IQCM: variants seen among roughly 807,000 people sequenced by gnomAD.
IQCM encodes the protein IQ motif containing M.
IQCM carries 45 observed loss-of-function variants against 57.6 expected under a neutral mutation model. That is an observed-to-expected ratio of 0.78 (90% CI 0.62 to 1.00). The LOEUF (loss-of-function observed/expected upper bound fraction) is 1.00. Ranked by LOEUF, IQCM falls within the 50% of genes least tolerant of loss-of-function variation. IQCM has a pLI of 0.00. For synonymous variants in IQCM, 148 were observed against 158.9 expected (o/e 0.93, Z 0.51); for missense variants, 468 against 511.6 (o/e 0.91, Z 0.82).
intron 12 of IQCM, among the ~76,000 whole-genome samples, chr4:149,516,123 C>T (rs905005722): frequency 9.9e-5 from 15 of 152,158 alleles, no homozygotes; most frequent in African/African-American, 3.6e-4. Context: ...TTGATTAGTG[C>T]CCAATTTGCC....
intron 7 of IQCM, among the ~76,000 whole-genome samples, chr4:149,641,793 T>TA (rs1758214379): frequency 6.6e-6 from 1 of 152,198 alleles, no homozygotes; most frequent in Admixed American, 6.5e-5. Context: ...GACTGTAATT[T>TA]ACTAGGGTCA....
At chr4:149,450,838 G>C (rs1053500014) in intron 12 of IQCM, among the ~76,000 whole-genome samples, 2 of 151,664 alleles carry the variant, frequency 1.3e-5, no homozygotes, top group African/African-American at 4.8e-5. Flanking sequence ...GCTACCATAC[G>C]ATCTAGCAAT....
intron 5 of IQCM, among the ~76,000 whole-genome samples, chr4:149,722,613 G>A (rs1363235574): frequency 6.6e-6 from 1 of 151,792 alleles, no homozygotes; most frequent in Non-Finnish European, 1.5e-5. Context: ...ATTTGGCTTT[G>A]TTTCTGGGTC....
intron 13 of IQCM, among the ~76,000 whole-genome samples, chr4:149,382,781 T>C (rs1731166321): frequency 6.6e-6 from 1 of 152,060 alleles, no homozygotes; most frequent in African/African-American, 2.4e-5. Flanking sequence ...TATTATGTAA[T>C]TGTTTCGAGT....
At chr4:149,481,905 A>T (rs955192516) in intron 12 of IQCM, among the ~76,000 whole-genome samples, 5 of 106,214 alleles carry the variant, frequency 4.7e-5, no homozygotes, top group Non-Finnish European at 3.8e-5. Flanking sequence ...ATGCATTAAC[A>T]TGGAGTATCT....
rs534193378 is a variant in IQCM, at chr4:149,768,546, A to G, written c.-48-25807T>C. On this transcript the variant is annotated intron_variant, in intron 2 of 13. Transcript: ENST00000636793. Reference sequence around the variant, plus strand: ...TTTTAAAGTTAAAATAAAATCTTACATGGATCAATTTTCTGAACAGCCTAC... The same window carrying G: ...TTTTAAAGTTAAAATAAAATCTTACGTGGATCAATTTTCTGAACAGCCTAC... Among the ~76,000 whole-genome samples the G allele has an allele frequency of 9.2e-5, 14 of 152,246 alleles. 1 individual carries two copies. The highest frequency in any genetic ancestry group is 2.2e-4 in the African/African-American group (9 of 41,556).
At chr4:149,613,053 A>G (rs183522624) in intron 8 of IQCM, among the ~76,000 whole-genome samples, 1 of 152,220 alleles carries the variant, frequency 6.6e-6, no homozygotes, top group Non-Finnish European at 1.5e-5. Context: ...ATGAATAAAA[A>G]GAATTTTTAA....
chr4:149,413,241 A>C (rs1733511267), intron 13 of IQCM, among the ~76,000 whole-genome samples: 1 of 152,222 alleles, frequency 6.6e-6, no homozygotes, highest in Admixed American at 6.5e-5. Flanking sequence ...ACAATACAGA[A>C]GATGTGAAAA....
intron 8 of IQCM, among the ~76,000 whole-genome samples, chr4:149,618,235 A>G (rs927589768): frequency 6.6e-5 from 10 of 152,194 alleles, no homozygotes; most frequent in Admixed American, 6.6e-4. Context: ...AAAGGCAATT[A>G]AAAAATACAT....
intron 12 of IQCM, among the ~76,000 whole-genome samples, chr4:149,501,523 C>A (rs1168242558): frequency 6.6e-6 from 1 of 152,082 alleles, no homozygotes; most frequent in Non-Finnish European, 1.5e-5. Context: ...CAGATTCCTA[C>A]TGAAATGAGC....
intron 13 of IQCM, among the ~76,000 whole-genome samples, chr4:149,431,092 C>T (rs1245013010): frequency 6.6e-6 from 1 of 151,832 alleles, no homozygotes; most frequent in African/African-American, 2.4e-5. Context: ...GTAATCCCAG[C>T]TTCTTGGGTG....
chr4:149,586,675 G>A (rs1448989412), intron 9 of IQCM, among the ~76,000 whole-genome samples: 1 of 151,468 alleles, frequency 6.6e-6, no homozygotes, highest in Non-Finnish European at 1.5e-5. Flanking sequence ...ATTATTGGAT[G>A]TAGTCTTCTA....
intron 12 of IQCM, among the ~76,000 whole-genome samples, chr4:149,500,242 A>C (rs1342254176): frequency 6.6e-6 from 1 of 152,212 alleles, no homozygotes. Context: ...CAGAGGAACA[A>C]TTTACATTCT....
intron 12 of IQCM, among the ~76,000 whole-genome samples, chr4:149,444,333 T>G (rs1736277598): frequency 6.6e-6 from 1 of 151,934 alleles, no homozygotes; most frequent in Admixed American, 6.6e-5. Flanking sequence ...CATTTATCAA[T>G]CAGATTATCT....
chr4:149,371,391 G>C (rs1267609812), intron 13 of IQCM, among the ~76,000 whole-genome samples: 1 of 152,134 alleles, frequency 6.6e-6, no homozygotes, highest in Non-Finnish European at 1.5e-5. Context: ...CTGGCTCTGA[G>C]TGTCCTCTGA....
chr4:149,506,265 G>GA (rs1202611285), intron 12 of IQCM, among the ~76,000 whole-genome samples: 2 of 152,152 alleles, frequency 1.3e-5, no homozygotes, highest in Non-Finnish European at 2.9e-5. Context: ...ATAACCCAAG[G>GA]AAACTCATTA....
intron 7 of IQCM, among the ~76,000 whole-genome samples, chr4:149,661,379 T>G (rs1056861111): frequency 2.6e-5 from 4 of 152,170 alleles, no homozygotes; most frequent in African/African-American, 4.8e-5. Context: ...TTGAGAATGT[T>G]TGCATCTATG....
intron 13 of IQCM, among the ~76,000 whole-genome samples, chr4:149,388,538 T>TTATATATAATATATATAATATATTTA (rs1731597463): frequency 1.5e-5 from 2 of 134,132 alleles, no homozygotes; most frequent in Non-Finnish European, 3.2e-5. Context: ...ATATTATATA[T>TTATATATAATATATATAATATATTTA]TATATATAAT....
At chr4:149,698,676 A>G (rs1216579615) in intron 5 of IQCM, among the ~76,000 whole-genome samples, 2 of 152,114 alleles carry the variant, frequency 1.3e-5, no homozygotes, top group Non-Finnish European at 2.9e-5. Context: ...ATGTAATGAA[A>G]ACCAATTCAA....
Sources: gnomAD v4.1 joint callset for allele counts (sites outside exome capture counted in the v4.1 genomes callset) on GRCh38, gnomAD v4.1.1 for gene constraint, MANE v1.5 for transcripts, NCBI Gene and HGNC (gene_info 2026-07-23, HGNC 2026-07-21) for gene names.